The following PBX3 variants were observed in gnomAD, a reference collection of about 807,000 sequenced individuals.
PBX3 encodes the protein PBX homeobox 3.
Under a neutral mutation model 48.5 loss-of-function variants are expected in PBX3, and 14 were observed. The ratio of observed to expected loss-of-function variants is 0.29; its 90% CI spans 0.19 to 0.45. PBX3 has a LOEUF of 0.45. Ranked by LOEUF, PBX3 falls within the 20% of genes least tolerant of loss-of-function variation. The pLI, the probability that PBX3 is intolerant of heterozygous loss-of-function variation, is 1.00. For synonymous variants in PBX3, 210 were observed against 200.3 expected, an observed-to-expected ratio of 1.05 and a Z score of -0.41; for missense variants, 386 against 546.7, an observed-to-expected ratio of 0.71 and a Z score of 2.93.
At chr9:125,813,867 C>A (rs1475274988) in intron 2 of PBX3, among the ~76,000 whole-genome samples, 1 of 150,908 alleles carries the variant, frequency 6.6e-6, no homozygotes, top group Non-Finnish European at 1.5e-5. Context: ...GAAATACATA[C>A]ATAAACACGT....
At chr9:125,801,137 G>A (rs995201979) in intron 2 of PBX3, among the ~76,000 whole-genome samples, 20 of 152,110 alleles carry the variant, frequency 1.3e-4, no homozygotes, top group Non-Finnish European at 7.3e-5. Context: ...ATTTAACTCT[G>A]TAGCTCCTTC....
intron 5 of PBX3, among the ~76,000 whole-genome samples, chr9:125,944,209 C>T (rs1179456818): frequency 2.0e-5 from 3 of 152,216 alleles, no homozygotes; most frequent in African/African-American, 7.2e-5. Flanking sequence ...CTTGGGCTTT[C>T]CTTGTTTCTT....
chr9:125,899,246 TATGTATATATATTTATATATAAATATAC>T (rs1399859432), intron 2 of PBX3, among the ~76,000 whole-genome samples: 10 of 131,416 alleles, frequency 7.6e-5, no homozygotes, highest in African/African-American at 2.1e-4. Flanking sequence ...TAAATATACA[TATGTATATATATTTATATATAAATATAC>T]ATATGTATAT....
chr9:125,757,283 T>TA lies in PBX3; in HGVS notation c.274+8670dup, dbSNP rs60669435. On this transcript the variant is annotated intron_variant, in intron 2 of 8. Coordinates refer to ENST00000373489, the MANE Select transcript of PBX3 (RefSeq NM_006195.6). Reference sequence around the variant, plus strand: ...TTCTCCTCCCACCATTGTTTTTTTTTAAAAAAAAAACTACAGGTGAAGGTT... The same window carrying TA: ...TTCTCCTCCCACCATTGTTTTTTTTTAAAAAAAAAAACTACAGGTGAAGGTT... Among the ~76,000 whole-genome samples, 315 of 149,618 alleles carry TA rather than the reference T, an allele frequency of 2.1e-3. 3 individuals are homozygous for TA. In the East Asian group the frequency reaches 0.031, roughly 15 times the overall value.
At chr9:125,788,181 G>C (rs1025438397) in intron 2 of PBX3, among the ~76,000 whole-genome samples, 3 of 152,218 alleles carry the variant, frequency 2.0e-5, no homozygotes, top group African/African-American at 7.2e-5. Flanking sequence ...GCTATGGTCA[G>C]TTTATTTAGA....
At chr9:125,872,916 T>A (rs533270623) in intron 2 of PBX3, among the ~76,000 whole-genome samples, 81 of 151,518 alleles carry the variant, frequency 5.3e-4, no homozygotes, top group African/African-American at 2.0e-3. Flanking sequence ...TGACAGAATT[T>A]CGGCTGGGCG....
chr9:125,898,208 A>G (rs575503004), intron 2 of PBX3, among the ~76,000 whole-genome samples: 13 of 151,836 alleles, frequency 8.6e-5, no homozygotes, highest in Admixed American at 3.3e-4. Context: ...GGAAGCTACT[A>G]TTCTCACCAG....
chr9:125,966,802 T>C lies in PBX3; in HGVS notation c.*879T>C, dbSNP rs1354395697. On this transcript the variant is annotated 3_prime_UTR_variant, in exon 9 of 9. Coordinates refer to ENST00000373489, the MANE Select transcript of PBX3 (RefSeq NM_006195.6). The stretch of plus-strand genomic sequence containing the variant: ...GCGAACTCATACAAACCAATAGAAT[T>C]TCAACATGTTCTGTAGCTTAGAGTG... 1.3e-5 allele frequency: 2 copies of C among 152,654 alleles called. No individual in the cohort carries two copies. Among genetic ancestry groups the C allele is most frequent in the South Asian group, 4.1e-4 (2 of 4,828 alleles). 9.5% of individuals were successfully genotyped at this position (152,654 alleles called of 1,614,324 possible). A position where few individuals can be genotyped will look rare whatever the true frequency, so the allele number is the denominator to read the frequency against.
intron 2 of PBX3, among the ~76,000 whole-genome samples, chr9:125,881,141 A>G (rs971372268): frequency 3.3e-5 from 5 of 152,198 alleles, no homozygotes; most frequent in African/African-American, 9.7e-5. Context: ...CAGCTCTTCA[A>G]TTTATGGCTG....
intron 5 of PBX3, among the ~76,000 whole-genome samples, chr9:125,958,547 A>G (rs1842358942): frequency 6.6e-6 from 1 of 152,198 alleles, no homozygotes; most frequent in Admixed American, 6.5e-5. Flanking sequence ...CAGAATAAAG[A>G]GAACTATATA....
chr9:125,786,146 G>C (rs901894533), intron 2 of PBX3, among the ~76,000 whole-genome samples: 2 of 152,156 alleles, frequency 1.3e-5, no homozygotes, highest in African/African-American at 4.8e-5. Context: ...TTGAGTTTGA[G>C]GTACTATGAG....
intron 4 of PBX3, among the ~76,000 whole-genome samples, chr9:125,932,120 C>A (rs1017918907): frequency 1.3e-5 from 2 of 152,184 alleles, no homozygotes; most frequent in Non-Finnish European, 2.9e-5. Context: ...CTGGCTCCCA[C>A]AACAAACTGT....
intron 5 of PBX3, among the ~76,000 whole-genome samples, chr9:125,952,942 G>A (rs1842223003): frequency 1.3e-5 from 2 of 150,850 alleles, no homozygotes; most frequent in African/African-American, 2.4e-5. Context: ...CTGTGCTTGT[G>A]TATATACCTA....
intron 3 of PBX3, among the ~76,000 whole-genome samples, chr9:125,929,101 C>T (rs528436566): frequency 3.3e-5 from 5 of 152,190 alleles, no homozygotes; most frequent in African/African-American, 4.8e-5. Context: ...AAGCTCAATC[C>T]GTGAAGCCTA....
At chr9:125,904,789 A>G (rs1006963152) in intron 2 of PBX3, among the ~76,000 whole-genome samples, 3 of 151,896 alleles carry the variant, frequency 2.0e-5, no homozygotes, top group African/African-American at 7.2e-5. Context: ...TACAGCTTTA[A>G]TGAGCCTGTG....
At chr9:125,790,811 C>T (rs1286999285) in intron 2 of PBX3, among the ~76,000 whole-genome samples, 1 of 152,050 alleles carries the variant, frequency 6.6e-6, no homozygotes, top group African/African-American at 2.4e-5. Flanking sequence ...GAGTGATCCT[C>T]TCAAAGTGTT....
At chr9:125,798,797 A>T (rs1170162751) in intron 2 of PBX3, among the ~76,000 whole-genome samples, 1 of 152,150 alleles carries the variant, frequency 6.6e-6, no homozygotes, top group South Asian at 2.1e-4. Context: ...ATAACTAAGC[A>T]AATGTATATT....
chr9:125,797,760 C>T (rs1007837726), intron 2 of PBX3, among the ~76,000 whole-genome samples: 1 of 152,036 alleles, frequency 6.6e-6, no homozygotes, highest in Admixed American at 6.6e-5. Context: ...TTATATTGTA[C>T]ATTAGGTATT....
chr9:125,751,548 G>C (rs1343392408), intron 2 of PBX3, among the ~76,000 whole-genome samples: 1 of 152,164 alleles, frequency 6.6e-6, no homozygotes, highest in Non-Finnish European at 1.5e-5. Context: ...ACTATAAGAT[G>C]CTGCTTTTTC....
Sources: gnomAD v4.1 joint callset for allele counts (sites outside exome capture counted in the v4.1 genomes callset) on GRCh38, gnomAD v4.1.1 for gene constraint, MANE v1.5 for transcripts, NCBI Gene and HGNC (gene_info 2026-07-23, HGNC 2026-07-21) for gene names.